SEMA3E: variants seen among roughly 807,000 people sequenced by gnomAD.
The protein encoded by SEMA3E is semaphorin 3E.
SEMA3E carries 49 observed loss-of-function variants against 93.6 expected under a neutral mutation model. The ratio of observed to expected loss-of-function variants is 0.52; its 90% CI spans 0.42 to 0.66. The LOEUF is 0.66. SEMA3E is among the 30% of genes least tolerant of loss of function. The probability of loss-of-function intolerance (pLI) is 0.00; values close to 1 mark genes in which losing one functional copy is unlikely to be tolerated. For synonymous variants in SEMA3E, 363 were observed against 330.7 expected (o/e 1.10, Z -1.06); for missense variants, 906 against 964.8 (o/e 0.94, Z 0.81).
rs550096091 is a variant in SEMA3E, at chr7:83,624,745, A to C, written c.115+23683T>G. Among the ~76,000 whole-genome samples, 256 of 152,158 alleles carry C rather than the reference A, an allele frequency of 1.7e-3. 2 individuals are homozygous for C. Among genetic ancestry groups the C allele is most frequent in the Middle Eastern group, 0.01 (3 of 294 alleles). On this transcript the variant is annotated intron_variant, in intron 1 of 16. Coordinates refer to ENST00000643230, the MANE Select transcript of SEMA3E (RefSeq NM_012431.3). The stretch of plus-strand genomic sequence containing the variant: ...TTAGTTTCATTAGTTCACATTTGTC[A>C]ATTTCAGCTTTTGTTGCCATTGCTT...
At chr7:83,604,423 C>A (rs1562851417) in intron 1 of SEMA3E, among the ~76,000 whole-genome samples, 7 of 135,752 alleles carry the variant, frequency 5.2e-5, no homozygotes, top group African/African-American at 1.1e-4. Context: ...GTGGTTTTCT[C>A]TCTCTATATA....
chr7:83,401,355 G>A (rs1351990016), intron 10 of SEMA3E, among the ~76,000 whole-genome samples: 2 of 152,046 alleles, frequency 1.3e-5, no homozygotes, highest in Non-Finnish European at 2.9e-5. Flanking sequence ...ATTCCACAAA[G>A]AGGACATTTA....
At chr7:83,619,772 A>G (rs7796191) in intron 1 of SEMA3E, among the ~76,000 whole-genome samples, 2,779 of 151,978 alleles carry the variant, frequency 0.018, 79 homozygotes, top group African/African-American at 0.063. Context: ...ATGAAAGTAC[A>G]TAAATTAGAA....
intron 1 of SEMA3E, among the ~76,000 whole-genome samples, chr7:83,543,312 T>C (rs899743674): frequency 5.3e-5 from 8 of 152,056 alleles, no homozygotes; most frequent in Admixed American, 5.3e-4. Context: ...CCCTTAAATG[T>C]TTAACATGTT....
intron 4 of SEMA3E, among the ~76,000 whole-genome samples, chr7:83,418,949 CTTA>C (rs1178780476): frequency 1.3e-5 from 2 of 151,694 alleles, no homozygotes; most frequent in Admixed American, 6.6e-5. Context: ...GTTATATGGC[CTTA>C]TTGTGTGATG....
chr7:83,436,554 G>A (rs867689648), intron 4 of SEMA3E, among the ~76,000 whole-genome samples: 4 of 151,848 alleles, frequency 2.6e-5, no homozygotes, highest in African/African-American at 9.7e-5. Flanking sequence ...TGACTATTAT[G>A]AGAATCAGAG....
At chr7:83,372,225 GAGCACTTAGTAAC>G (rs1794758779) in intron 16 of SEMA3E, 1 of 397,902 alleles carries the variant, frequency 2.5e-6, no homozygotes, top group Non-Finnish European at 4.4e-6. Flanking sequence ...ATGGTTTCAG[GAGCACTTAGTAAC>G]TGATGAAAGA....
intron 1 of SEMA3E, among the ~76,000 whole-genome samples, chr7:83,603,181 A>G (rs988279806): frequency 6.6e-6 from 1 of 152,128 alleles, no homozygotes; most frequent in Non-Finnish European, 1.5e-5. Context: ...TGGGAGTAAT[A>G]AAGCATTTAG....
At chr7:83,632,207 C>G (rs10240284) in intron 1 of SEMA3E, among the ~76,000 whole-genome samples, 2,531 of 150,090 alleles carry the variant, frequency 0.017, 65 homozygotes, top group African/African-American at 0.057. Flanking sequence ...ATTCTGTAAA[C>G]AAAGCAAGCA....
rs543030247 is a variant in SEMA3E, at chr7:83,522,784, A to G, written c.116-32510T>C. Among the ~76,000 whole-genome samples, 11 of 152,182 alleles carry G rather than the reference A, an allele frequency of 7.2e-5. No individual in the cohort carries two copies. The South Asian group carries it at 2.1e-3, about 29-fold the overall frequency. ...CTAGCTGTCTTTCTGTTCCTACCTC[A>G]ATGCCTTCTGTTCCTTCCATCCTTA... On this transcript the variant is annotated intron_variant, in intron 1 of 16. Coordinates refer to ENST00000643230, the MANE Select transcript of SEMA3E (RefSeq NM_012431.3).
chr7:83,646,333 A>T (rs1037151557), intron 1 of SEMA3E, among the ~76,000 whole-genome samples: 1 of 152,062 alleles, frequency 6.6e-6, no homozygotes, highest in African/African-American at 2.4e-5. Flanking sequence ...TGGGCTGTTC[A>T]TATTGTATTG....
intron 1 of SEMA3E, among the ~76,000 whole-genome samples, chr7:83,638,517 A>T (rs536702447): frequency 6.6e-6 from 1 of 152,344 alleles, no homozygotes; most frequent in South Asian, 2.1e-4. Flanking sequence ...ATAATCTTTA[A>T]AAATATTTAA....
At chr7:83,648,359 A>AC in intron 1 of SEMA3E, 69 bp downstream of exon 1, 1 of 1,212,020 alleles carries the variant, frequency 8.3e-7, no homozygotes, top group East Asian at 2.5e-5. Context: ...ATGTTAAACG[A>AC]CTTTTTTTTT....
Position 83,517,871 on chromosome 7 carries a change from A to C in SEMA3E, c.116-27597T>G, listed in dbSNP as rs532312214. ...GCAAGAGTAATTTGAAAGACAAGAG[A>C]GATCTGAGGTAGATGATAATGTGTC... is the stretch of plus-strand genomic sequence containing the variant. On this transcript the variant is annotated intron_variant, in intron 1 of 16. Transcript: ENST00000643230. Among the ~76,000 whole-genome samples the C allele has an allele frequency of 5.3e-4, 81 of 152,292 alleles. 1 individual carries two copies. The highest frequency in any genetic ancestry group is 6.8e-3 in the Middle Eastern group (2 of 294).
At chr7:83,528,941 G>C (rs1245273845) in intron 1 of SEMA3E, among the ~76,000 whole-genome samples, 1 of 152,008 alleles carries the variant, frequency 6.6e-6, no homozygotes, top group Non-Finnish European at 1.5e-5. Flanking sequence ...AAGTGGAGAG[G>C]TAAATACTTT....
At chr7:83,404,643 G>A (rs1196421247) in intron 9 of SEMA3E, among the ~76,000 whole-genome samples, 1 of 151,420 alleles carries the variant, frequency 6.6e-6, no homozygotes, top group East Asian at 1.9e-4. Context: ...CTTTACTATG[G>A]GTTAAAAAAA....
At chr7:83,525,551 C>T (rs554921466) in intron 1 of SEMA3E, among the ~76,000 whole-genome samples, 122 of 151,588 alleles carry the variant, frequency 8.0e-4, no homozygotes, top group African/African-American at 2.9e-3. Flanking sequence ...TTCATCATTT[C>T]CCCCTACTTC....
intron 4 of SEMA3E, among the ~76,000 whole-genome samples, chr7:83,430,742 A>G (rs1270042779): frequency 6.6e-6 from 1 of 152,178 alleles, no homozygotes; most frequent in African/African-American, 2.4e-5. Context: ...AGCTTAAAAC[A>G]TAGATGACGG....
At chr7:83,584,363 C>G (rs1313119143) in intron 1 of SEMA3E, among the ~76,000 whole-genome samples, 1 of 151,926 alleles carries the variant, frequency 6.6e-6, no homozygotes. Flanking sequence ...CATAAGCTGA[C>G]CTTGTGGGAT....
Sources: gnomAD v4.1 joint callset for allele counts (sites outside exome capture counted in the v4.1 genomes callset) on GRCh38, gnomAD v4.1.1 for gene constraint, MANE v1.5 for transcripts, NCBI Gene and HGNC (gene_info 2026-07-23, HGNC 2026-07-21) for gene names.